The following SLC5A10 variants were observed in gnomAD, a reference collection of about 807,000 sequenced individuals.
SLC5A10 encodes the protein solute carrier family 5 member 10.
A neutral mutation model predicts 68.9 loss-of-function variants in SLC5A10; 55 were observed. The observed-to-expected ratio is 0.80, with a 90% CI of 0.64 to 1.00. The LOEUF (loss-of-function observed/expected upper bound fraction) is 1.00. SLC5A10 is among the 50% of genes least tolerant of loss of function. The pLI, the probability that SLC5A10 is intolerant of heterozygous loss-of-function variation, is 0.00. For synonymous variants in SLC5A10, 344 were observed against 344.8 expected (o/e 1.00, Z 0.02); for missense variants, 732 against 819.3 (o/e 0.89, Z 1.30).
intron 9 of SLC5A10, among the ~76,000 whole-genome samples, chr17:19,007,800 CA>C (rs1445707967): frequency 6.6e-6 from 1 of 152,132 alleles, no homozygotes; most frequent in Non-Finnish European, 1.5e-5. Flanking sequence ...TCCTTTTATG[CA>C]TCATGCTTTT....
At chr17:18,964,936 A>G (rs2042680279) in intron 5 of SLC5A10, among the ~76,000 whole-genome samples, 1 of 152,106 alleles carries the variant, frequency 6.6e-6, no homozygotes, top group Non-Finnish European at 1.5e-5. Context: ...TGAGGTCAGG[A>G]GTTCGAGACC....
intron 1 of SLC5A10, among the ~76,000 whole-genome samples, chr17:18,952,734 TG>T (rs149623821): frequency 0.12 from 17,610 of 152,034 alleles, 1,303 homozygotes; most frequent in East Asian, 0.39. Flanking sequence ...GGGAGGGCCC[TG>T]GGAACTGGGG....
At position 19,000,368 on chromosome 17, in the gene SLC5A10, C is replaced by T. The variant is rs979126657; in HGVS notation, c.983-13042C>T. Among the ~76,000 whole-genome samples the T allele has an allele frequency of 2.6e-5, 4 of 152,160 alleles. No individual in the cohort carries two copies. Among genetic ancestry groups the T allele is most frequent in the Non-Finnish European group, 5.9e-5 (4 of 68,036 alleles). ...GTCTTCAATACCTGTTCCCATTTTA[C>T]AGATGGGATGACCGGGGCTTGGAGA... On this transcript the variant is annotated intron_variant, in intron 9 of 14. Transcript: ENST00000395645. This position sits in a 1 kb window ranked among gnomAD's most constrained non-coding sequence, Gnocchi z 5.2.
At position 18,982,303 on chromosome 17, in the gene SLC5A10, C is replaced by T. The variant is rs566873556; in HGVS notation, c.982+5314C>T. Among the ~76,000 whole-genome samples the T allele has an allele frequency of 2.5e-3, 385 of 152,280 alleles. 1 individual carries two copies. Among genetic ancestry groups the T allele is most frequent in the African/African-American group, 9.0e-3 (374 of 41,560 alleles). ...CTGCAGCAGGGCCCCCCACCTCTTG[C>T]CTCATGGCCTGCTCCCCAGCTTGTG... On this transcript the variant is annotated intron_variant, in intron 9 of 14. Coordinates refer to ENST00000395645, the MANE Select transcript of SLC5A10 (RefSeq NM_001042450.4).
Position 19,019,415 on chromosome 17 carries a change from G to A in SLC5A10, c.1242-8G>A, listed in dbSNP as rs2044209761. The A allele has an allele frequency of 4.4e-6, 7 of 1,606,790 alleles. No homozygotes were observed. Among genetic ancestry groups the A allele is most frequent in the Non-Finnish European group, 5.1e-6 (6 of 1,178,194 alleles). On this transcript the variant is annotated splice_polypyrimidine_tract_variant and splice_region_variant and intron_variant, in intron 11 of 14. Coordinates refer to ENST00000395645, the MANE Select transcript of SLC5A10 (RefSeq NM_001042450.4). ...GACGACCGCTGCCTGCCTTCCACTC[G>A]CCTGCAGGCTGGTCATAGTGGCACT...
intron 9 of SLC5A10, among the ~76,000 whole-genome samples, chr17:18,994,560 G>A (rs895007802): frequency 6.6e-6 from 1 of 152,174 alleles, no homozygotes; most frequent in Non-Finnish European, 1.5e-5. Context: ...GGAAAGGGGA[G>A]GCTGAGCAGA....
At chr17:19,009,598 G>A (rs2043971881) in intron 9 of SLC5A10, among the ~76,000 whole-genome samples, 1 of 152,168 alleles carries the variant, frequency 6.6e-6, no homozygotes. Flanking sequence ...ACTGGCTCCC[G>A]AGAATGTGCC....
chr17:18,971,325 C>T lies in SLC5A10; in HGVS notation c.846+107C>T, dbSNP rs1457335889. 6.2e-7 allele frequency: 1 copy of T among 1,606,856 alleles called. No homozygotes were observed. ...CCGCGTCATGAGTCTGGGCTGGGGC[C>T]TCAGAAGGTGTGGCTCCAGGCTGGG... On this transcript the variant is annotated intron_variant, in intron 8 of 14. Transcript: ENST00000395645. This position sits in a 1 kb window ranked among gnomAD's most constrained non-coding sequence, Gnocchi z 5.5.
rs769492030 is a variant in SLC5A10 at position 18,971,126 on chromosome 17, A to G, written c.754A>G (p.Met252Val). The G allele has an allele frequency of 1.4e-5, 23 of 1,612,502 alleles. No individual in the cohort carries two copies. The highest frequency in any genetic ancestry group is 1.6e-5 in the Non-Finnish European group (19 of 1,178,822). ...CCTGCCACGTACAGACGCCATGCAC[A>G]TGTTTCGAGACCCCCACACAGGGGA... ...CHLPRTDAMH[M>V]FRDPHTGDLP... The change falls in exon 8 of 15, where the codon ATG becomes GTG. Residue 252 changes from methionine to valine, a missense_variant. Physicochemically the swap from Met to Val is conservative, Grantham distance 21 (BLOSUM62 1). Transcript: ENST00000395645. The surrounding 1 kb of genome is among the most constrained non-coding windows in gnomAD (Gnocchi z 5.5).
intron 9 of SLC5A10, chr17:18,978,504 G>C: frequency 1.9e-6 from 3 of 1,613,170 alleles, no homozygotes; most frequent in Non-Finnish European, 2.5e-6. Context: ...AGCTCGGGGA[G>C]TTCCCCTGGA....
chr17:18,990,257 GT>G (rs2043380847), intron 9 of SLC5A10, among the ~76,000 whole-genome samples: 1 of 152,188 alleles, frequency 6.6e-6, no homozygotes, highest in Admixed American at 6.5e-5. Context: ...TGGAGCGGGG[GT>G]AGATGATAGG....
Position 19,004,349 on chromosome 17 carries a change from G to A in SLC5A10, c.983-9061G>A. 1 of 310,728 alleles carries A rather than the reference G, an allele frequency of 3.2e-6. No homozygotes were observed. The highest frequency in any genetic ancestry group is 6.0e-6 in the Non-Finnish European group (1 of 167,548). 19.2% of individuals were successfully genotyped at this position (310,728 alleles called of 1,614,324 possible). A position where few individuals can be genotyped will look rare whatever the true frequency, so the allele number is the denominator to read the frequency against. ...GAAGAAAGTAAGGGATCGGAACAGCGGTGAGGGAGCGGTGGGCCACGTCCC... is the reference window on the plus strand; with the variant it reads ...GAAGAAAGTAAGGGATCGGAACAGCAGTGAGGGAGCGGTGGGCCACGTCCC... On this transcript the variant is annotated intron_variant, in intron 9 of 14. Coordinates refer to ENST00000395645, the MANE Select transcript of SLC5A10 (RefSeq NM_001042450.4). This position sits in a 1 kb window ranked among gnomAD's most constrained non-coding sequence, Gnocchi z 5.4.
At chr17:19,015,227 TG>T in intron 11 of SLC5A10, 28 bp downstream of exon 11, 1 of 121,052 alleles carries the variant, frequency 8.3e-6, no homozygotes. Flanking sequence ...AGTACGGGGG[TG>T]GGGGAACACT....
chr17:18,963,904 G>A (rs1350563119), intron 5 of SLC5A10, among the ~76,000 whole-genome samples: 1 of 152,146 alleles, frequency 6.6e-6, no homozygotes, highest in South Asian at 2.1e-4. Context: ...GGGTCGCTTT[G>A]CGCCCTCACT....
At chr17:18,993,737 A>G (rs905002166) in intron 9 of SLC5A10, among the ~76,000 whole-genome samples, 2 of 152,152 alleles carry the variant, frequency 1.3e-5, no homozygotes, top group Non-Finnish European at 2.9e-5. Context: ...GTTATTCTCC[A>G]GGTCTGATGG....
intron 9 of SLC5A10, chr17:18,979,429 G>T: frequency 1.6e-6 from 2 of 1,268,348 alleles, no homozygotes; most frequent in Non-Finnish European, 2.2e-6. Flanking sequence ...CCAGCCCTGC[G>T]CACACCTCAG....
chr17:19,013,226 AT>A (rs2044053964), intron 9 of SLC5A10, 183 bp from the exon 10 acceptor site: 3 of 881,008 alleles, frequency 3.4e-6, no homozygotes, highest in Non-Finnish European at 5.0e-6. Flanking sequence ...AGGGAAAAGG[AT>A]TTTCAGAGGC....
Position 19,019,710 on chromosome 17 carries a change from C to G in SLC5A10, c.1411-3C>G. ...CCACATGCCCTGCCTCCCTCCTCCC[C>G]AGGGGGCCTTCTGGGGCCTGATAGC... On this transcript the variant is annotated splice_polypyrimidine_tract_variant and splice_region_variant and intron_variant, in intron 12 of 14. Transcript: ENST00000395645. 1 of 1,608,994 alleles carries G rather than the reference C, an allele frequency of 6.2e-7. No homozygotes were observed. The highest frequency in any genetic ancestry group is 8.5e-7 in the Non-Finnish European group (1 of 1,179,320).
intron 1 of SLC5A10, among the ~76,000 whole-genome samples, chr17:18,954,500 C>T (rs1396067293): frequency 1.3e-5 from 2 of 152,194 alleles, no homozygotes; most frequent in African/African-American, 4.8e-5. Context: ...CTGGGAGCGG[C>T]TGGCAAGAGA....
Sources: gnomAD v4.1 joint callset for allele counts (sites outside exome capture counted in the v4.1 genomes callset) on GRCh38, gnomAD v4.1.1 for gene constraint, Gnocchi (gnomAD v3.1) non-coding constraint, MANE v1.5 for transcripts, NCBI Gene and HGNC (gene_info 2026-07-23, HGNC 2026-07-21) for gene names.